Variants in B4GALT6 observed in about 807,000 individuals in gnomAD.
B4GALT6 encodes the protein beta-1,4-galactosyltransferase 6.
A neutral mutation model predicts 46.3 loss-of-function variants in B4GALT6; 14 were observed. That is an observed-to-expected ratio of 0.30 (90% CI 0.20 to 0.47). B4GALT6 has a LOEUF of 0.47. Among genes scored for constraint, B4GALT6 ranks in the 20% least tolerant of loss-of-function variants. The pLI, the probability that B4GALT6 is intolerant of heterozygous loss-of-function variation, is 0.99. For synonymous variants in B4GALT6, 168 were observed against 162.0 expected (o/e 1.04, Z -0.28); for missense variants, 386 against 480.1 (o/e 0.80, Z 1.83).
At chr18:31,667,768 T>C (rs1226837996) in intron 1 of B4GALT6, among the ~76,000 whole-genome samples, 1 of 152,218 alleles carries the variant, frequency 6.6e-6, no homozygotes, top group African/African-American at 2.4e-5. Context: ...GAATTTACTA[T>C]ACTAGTTTAC....
intron 3 of B4GALT6, among the ~76,000 whole-genome samples, chr18:31,646,662 T>G (rs2073994433): frequency 6.6e-6 from 1 of 152,184 alleles, no homozygotes; most frequent in Non-Finnish European, 1.5e-5. Context: ...GAGTTTCATG[T>G]GGCCACAATT....
At chr18:31,659,150 G>A (rs1321357006) in intron 2 of B4GALT6, among the ~76,000 whole-genome samples, 1 of 152,156 alleles carries the variant, frequency 6.6e-6, no homozygotes, top group African/African-American at 2.4e-5. Context: ...ACTACAGAAA[G>A]TGAAACTCTA....
intron 3 of B4GALT6, among the ~76,000 whole-genome samples, chr18:31,650,998 G>C (rs959106412): frequency 6.6e-6 from 1 of 152,028 alleles, no homozygotes; most frequent in Non-Finnish European, 1.5e-5. Context: ...AATCTCCTGA[G>C]CTTGTGATCC....
At chr18:31,697,202 G>A in the B4GALT6 span, among the ~76,000 whole-genome samples, 2 of 152,094 alleles carry the variant, frequency 1.3e-5, no homozygotes, top group Non-Finnish European at 2.9e-5. Context: ...AGCTTGGTAG[G>A]TAGAGGATGG....
At chr18:31,693,785 T>C in the B4GALT6 span, among the ~76,000 whole-genome samples, 3 of 151,834 alleles carry the variant, frequency 2.0e-5, no homozygotes, top group South Asian at 2.1e-4. Context: ...CTGGGCAATA[T>C]AGTGGGACTC....
chr18:31,715,720 T>G, the B4GALT6 span, among the ~76,000 whole-genome samples: 1 of 151,424 alleles, frequency 6.6e-6, no homozygotes, highest in African/African-American at 2.4e-5. Flanking sequence ...CTGGCTAATT[T>G]TTTTTTTTTA....
chr18:31,703,886 G>T, the B4GALT6 span, among the ~76,000 whole-genome samples: 1 of 152,128 alleles, frequency 6.6e-6, no homozygotes, highest in Non-Finnish European at 1.5e-5. Flanking sequence ...TATCAGCAGG[G>T]GTGAGAGGTT....
At chr18:31,695,153 C>A in the B4GALT6 span, among the ~76,000 whole-genome samples, 3 of 151,810 alleles carry the variant, frequency 2.0e-5, no homozygotes, top group Admixed American at 1.3e-4. Context: ...TTCCCACTGC[C>A]ACAGAGAAAA....
intron 3 of B4GALT6, among the ~76,000 whole-genome samples, chr18:31,649,445 C>A (rs1194799599): frequency 6.6e-6 from 1 of 152,014 alleles, no homozygotes; most frequent in African/African-American, 2.4e-5. Flanking sequence ...CTCCCTGGCT[C>A]CATCAGGTGC....
At chr18:31,665,999 G>C (rs574464787) in intron 2 of B4GALT6, among the ~76,000 whole-genome samples, 4 of 152,314 alleles carry the variant, frequency 2.6e-5, no homozygotes, top group African/African-American at 7.2e-5. Context: ...TGAAAAAGTA[G>C]AAGCTGCTTT....
chr18:31,675,862 G>C (rs1276849515), intron 1 of B4GALT6, among the ~76,000 whole-genome samples: 1 of 152,142 alleles, frequency 6.6e-6, no homozygotes, highest in African/African-American at 2.4e-5. Flanking sequence ...TCAAAATGAA[G>C]TAAAATGTGA....
chr18:31,627,232 T>C (rs376075457), intron 6 of B4GALT6, 111 bp from the exon 7 acceptor site: 47 of 804,780 alleles, frequency 5.8e-5, no homozygotes, highest in East Asian at 4.6e-4. Context: ...ATATTCTATA[T>C]AGACAATTAT....
the B4GALT6 span, among the ~76,000 whole-genome samples, chr18:31,706,391 G>A: frequency 6.6e-6 from 1 of 152,100 alleles, no homozygotes; most frequent in Non-Finnish European, 1.5e-5. Context: ...AGCACTTTGG[G>A]AGGCCGAGGC....
intron 5 of B4GALT6, among the ~76,000 whole-genome samples, chr18:31,632,109 A>C (rs917463180): frequency 6.6e-6 from 1 of 152,210 alleles, no homozygotes; most frequent in Non-Finnish European, 1.5e-5. Context: ...AACATTTAAC[A>C]AAACCATTTC....
At chr18:31,635,139 G>A (rs761320661) in intron 5 of B4GALT6, among the ~76,000 whole-genome samples, 13 of 152,018 alleles carry the variant, frequency 8.6e-5, no homozygotes, top group Admixed American at 3.3e-4. Context: ...GCTGAGGCAC[G>A]AGAATCACTT....
the B4GALT6 span, among the ~76,000 whole-genome samples, chr18:31,721,682 A>G: frequency 4.6e-5 from 7 of 152,318 alleles, no homozygotes; most frequent in South Asian, 1.2e-3. Context: ...AGTAGAAGGA[A>G]TTTACCTCCA....
chr18:31,627,152 T>G, intron 6 of B4GALT6, 31 bp from the exon 7 acceptor site: 1 of 1,555,164 alleles, frequency 6.4e-7, no homozygotes, highest in Non-Finnish European at 8.7e-7. Context: ...ATTCTAAAAA[T>G]AAAATCATAA....
At chr18:31,643,144 AT>A (rs1317850752) in intron 4 of B4GALT6, among the ~76,000 whole-genome samples, 2 of 152,152 alleles carry the variant, frequency 1.3e-5, no homozygotes, top group African/African-American at 4.8e-5. Flanking sequence ...ATTTAGTGAG[AT>A]GATAGTTATA....
intron 1 of B4GALT6, among the ~76,000 whole-genome samples, chr18:31,670,976 C>G (rs923465177): frequency 8.6e-5 from 13 of 151,860 alleles, no homozygotes; most frequent in African/African-American, 3.1e-4. Flanking sequence ...TGTTCAACTC[C>G]CACTTATGAG....
Sources: allele counts gnomAD v4.1 joint callset (sites outside exome capture counted in the v4.1 genomes callset), GRCh38; gene constraint gnomAD v4.1.1; transcripts MANE v1.5; gene names NCBI Gene and HGNC (gene_info 2026-07-23, HGNC 2026-07-21).